The following ZC3HAV1L variants were observed in gnomAD, a reference collection of about 807,000 sequenced individuals.
The protein encoded by ZC3HAV1L is ZC3HAV1 like.
In ZC3HAV1L, 23 loss-of-function variants were observed where a neutral mutation model predicts 28.2. The ratio of observed to expected loss-of-function variants is 0.82; its 90% CI spans 0.59 to 1.16. The LOEUF (loss-of-function observed/expected upper bound fraction) is 1.16, where lower values mean the gene tolerates loss of function less well. ZC3HAV1L is among the 50% of genes most tolerant of loss of function. The pLI, the probability that ZC3HAV1L is intolerant of heterozygous loss-of-function variation, is 0.00. For synonymous variants in ZC3HAV1L, 180 were observed against 163.4 expected (o/e 1.10, Z -0.78); for missense variants, 376 against 387.7 (o/e 0.97, Z 0.25).
chr7:139,027,017 A>C (rs1373618585), intron 3 of ZC3HAV1L, among the ~76,000 whole-genome samples, 184 bp from the exon 4 acceptor site: 1 of 152,120 alleles, frequency 6.6e-6, no homozygotes, highest in African/African-American at 2.4e-5. Flanking sequence ...AGAGAGAGCA[A>C]GCGGAAAGTC....
chr7:139,034,528 T>TC lies in ZC3HAV1L; in HGVS notation c.501+14dup, dbSNP rs758223334. The TC allele has an allele frequency of 1.9e-6, 3 of 1,613,602 alleles. No homozygotes were observed. Among genetic ancestry groups the TC allele is most frequent in the Non-Finnish European group, 1.7e-6 (2 of 1,179,636 alleles). ...GTAGCAAATGTGACATGAGGGTGAC[T>TC]CCTTGGTGACTCACCTCTGGTAAAA... is the stretch of plus-strand genomic sequence containing the variant. On this transcript the variant is annotated intron_variant, in intron 2 of 4. Coordinates refer to ENST00000275766, the MANE Select transcript of ZC3HAV1L (RefSeq NM_080660.4).
intron 2 of ZC3HAV1L, chr7:139,033,890 T>C (rs1815612079): frequency 1.0e-6 from 1 of 985,300 alleles, no homozygotes; most frequent in East Asian, 1.1e-4. Flanking sequence ...ACTGCTTGCA[T>C]CTACTTTGGG....
At chr7:139,034,739 C>T in intron 1 of ZC3HAV1L, 61 bp from the exon 2 acceptor site, 3 of 1,590,946 alleles carry the variant, frequency 1.9e-6, no homozygotes, top group Non-Finnish European at 2.6e-6. Context: ...TGTCCAATTC[C>T]TTGCCTTGAG....
In ZC3HAV1L at chr7:139,028,978, G is replaced by T; in HGVS notation, c.502-18C>A. On this transcript the variant is annotated intron_variant, in intron 2 of 4. Coordinates refer to ENST00000275766, the MANE Select transcript of ZC3HAV1L (RefSeq NM_080660.4). ...AAACAGACCTGGTACAGAAATGAGG[G>T]AACACCTGAAATATTAGTTTTTCTT... is the stretch of plus-strand genomic sequence containing the variant. 1 of 1,600,244 alleles carries T rather than the reference G, an allele frequency of 6.2e-7. No homozygotes were observed. Among genetic ancestry groups the T allele is most frequent in the Non-Finnish European group, 8.5e-7 (1 of 1,172,226 alleles).
intron 2 of ZC3HAV1L, chr7:139,034,038 C>T (rs1815617873): frequency 2.0e-6 from 2 of 985,336 alleles, no homozygotes; most frequent in Non-Finnish European, 2.4e-6. Context: ...GGACTGCCTT[C>T]TGGGTACAGA....
intron 1 of ZC3HAV1L, 77 bp downstream of exon 1, chr7:139,035,576 C>T: frequency 7.5e-7 from 1 of 1,341,328 alleles, no homozygotes. Context: ...GCCCCCCTTC[C>T]CGTCGCTCCC....
chr7:139,029,793 C>T (rs6973309), intron 2 of ZC3HAV1L, among the ~76,000 whole-genome samples: 5,253 of 152,170 alleles, frequency 0.035, 277 homozygotes, highest in African/African-American at 0.12. Context: ...CCAGTTTCAA[C>T]GGGTGGCACA....
chr7:139,035,876 G>A lies in ZC3HAV1L; in HGVS notation c.142C>T (p.Arg48Cys), dbSNP rs1815698461. The A allele has an allele frequency of 1.3e-6, 2 of 1,511,190 alleles. No homozygotes were observed. Among genetic ancestry groups the A allele is most frequent in the African/African-American group, 1.4e-5 (1 of 69,316 alleles). The allele number at this position is 1,511,190 out of a possible 1,614,324, so 93.6% of individuals were successfully genotyped here. ...GTCTCCACCTCCTGCAGCAGGAAAC[G>A]CTCGGGCCCGGCGCGCTGCAGCACG... ...RDVLQRAGPE[R>C]FLLQEVETQE... Residue 48 changes from arginine (R) to cysteine (C), a missense_variant, in exon 1 of 5, where the codon CGT becomes TGT. Physicochemically the swap from Arg to Cys is radical, Grantham distance 180. Coordinates refer to ENST00000275766, the MANE Select transcript of ZC3HAV1L (RefSeq NM_080660.4).
chr7:139,027,282 T>C (rs891486763), intron 3 of ZC3HAV1L, among the ~76,000 whole-genome samples: 1 of 152,214 alleles, frequency 6.6e-6, no homozygotes, highest in African/African-American at 2.4e-5. Flanking sequence ...CTCCTAAGCC[T>C]ACCACCCACT....
At chr7:139,030,001 A>C (rs1183017530) in intron 2 of ZC3HAV1L, among the ~76,000 whole-genome samples, 1 of 152,164 alleles carries the variant, frequency 6.6e-6, no homozygotes, top group East Asian at 1.9e-4. Flanking sequence ...CACAAAGATG[A>C]CATTATATGC....
intron 2 of ZC3HAV1L, among the ~76,000 whole-genome samples, chr7:139,029,789 T>A (rs769051330): frequency 6.6e-6 from 1 of 152,180 alleles, no homozygotes; most frequent in East Asian, 1.9e-4. Context: ...GAAACCAGTT[T>A]CAACGGGTGG....
rs988900295 is a variant in ZC3HAV1L at position 139,035,064 on chromosome 7, G to C, written c.366-386C>G. 2.9e-5 allele frequency: 29 copies of C among 985,318 alleles called. No homozygotes were observed. The South Asian group carries it at 7.0e-4, about 24-fold the overall frequency. The allele number at this position is 985,318 out of a possible 1,614,324, so 61.0% of individuals were successfully genotyped here. The stretch of plus-strand genomic sequence containing the variant: ...GGGGTGTGTGGCTAGAGACAACCAA[G>C]GAAAATTCGGGGCTGTGAAGCACAG... On this transcript the variant is annotated intron_variant, in intron 1 of 4. Coordinates refer to ENST00000275766, the MANE Select transcript of ZC3HAV1L (RefSeq NM_080660.4).
At chr7:139,023,196 A>AAC (rs1815283018), downstream of ZC3HAV1L, among the ~76,000 whole-genome samples, 1 of 151,344 alleles carries the variant, frequency 6.6e-6, no homozygotes, top group African/African-American at 2.4e-5. Context: ...AAAAAAAAAA[A>AAC]AAAAAACAGG....
downstream of ZC3HAV1L, chr7:139,022,315 G>A (rs980132273): frequency 3.6e-4 from 112 of 311,130 alleles, 1 homozygote; most frequent in Admixed American, 2.7e-4. Context: ...AGGCCAAGGC[G>A]GGAGGACTGC....
chr7:139,034,357 T>C (rs572537347), intron 2 of ZC3HAV1L, among the ~76,000 whole-genome samples, 186 bp downstream of exon 2: 1 of 152,370 alleles, frequency 6.6e-6, no homozygotes, highest in South Asian at 2.1e-4. Flanking sequence ...TCTTTGTGTA[T>C]GGCTAAACTG....
At chr7:139,023,481 T>C (rs1815289170), downstream of ZC3HAV1L, among the ~76,000 whole-genome samples, 1 of 152,200 alleles carries the variant, frequency 6.6e-6, no homozygotes, top group Non-Finnish European at 1.5e-5. Flanking sequence ...CCACTGCTCT[T>C]GCATCCAGTT....
chr7:139,026,979 T>G, intron 3 of ZC3HAV1L, 146 bp from the exon 4 acceptor site: 1 of 912,762 alleles, frequency 1.1e-6, no homozygotes, highest in Non-Finnish European at 1.6e-6. Context: ...TAAAAAATTG[T>G]ATGTGTGTGT....
downstream of ZC3HAV1L, among the ~76,000 whole-genome samples, chr7:139,024,139 T>A (rs1815300325): frequency 6.6e-6 from 1 of 152,164 alleles, no homozygotes; most frequent in South Asian, 2.1e-4. Flanking sequence ...CCCGATAAAT[T>A]ACCAAAGAAA....
downstream of ZC3HAV1L, among the ~76,000 whole-genome samples, chr7:139,023,587 G>A (rs1815291289): frequency 6.6e-6 from 1 of 152,090 alleles, no homozygotes; most frequent in Non-Finnish European, 1.5e-5. Flanking sequence ...GGTTTCAGCA[G>A]GAAAAAAGCC....
Sources: gnomAD v4.1 joint callset for allele counts (sites outside exome capture counted in the v4.1 genomes callset) on GRCh38, gnomAD v4.1.1 for gene constraint, MANE v1.5 for transcripts, NCBI Gene and HGNC (gene_info 2026-07-23, HGNC 2026-07-21) for gene names.